MAPK4: variants seen among roughly 807,000 people sequenced by gnomAD.
MAPK4 encodes the protein Erk3-related.
In MAPK4, 22 loss-of-function variants were observed where a neutral mutation model predicts 47.7. The ratio of observed to expected loss-of-function variants is 0.46; its 90% CI spans 0.33 to 0.66. The LOEUF (loss-of-function observed/expected upper bound fraction) is 0.66, where lower values mean the gene tolerates loss of function less well. Among genes scored for constraint, MAPK4 ranks in the 30% least tolerant of loss-of-function variants. MAPK4 has a pLI of 0.02. For missense variants in MAPK4, 736 were observed against 831.7 expected (o/e 0.88, Z 1.42); for synonymous variants, 390 against 365.7 (o/e 1.07, Z -0.76).
Position 50,731,638 on chromosome 18 carries a change from G to T in MAPK4, c.*1784G>T, listed in dbSNP as rs1454852813. ...AAAAGAAATGTACACCACTCCTCAT[G>T]TGCCATTTTGTCCTCAGAGGGCGGC... On this transcript the variant is annotated 3_prime_UTR_variant, in exon 6 of 6. Transcript: ENST00000400384. 1 of 152,236 alleles carries T rather than the reference G, an allele frequency of 6.6e-6. No homozygotes were observed. The highest frequency in any genetic ancestry group is 2.4e-5 in the African/African-American group (1 of 41,444). The allele number at this position is 152,236 out of a possible 1,614,324, so 9.4% of individuals were successfully genotyped here. A position where few individuals can be genotyped will look rare whatever the true frequency, so the allele number is the denominator to read the frequency against.
At chr18:50,601,097 T>TAA (rs3080769) in intron 1 of MAPK4, among the ~76,000 whole-genome samples, 32 of 134,466 alleles carry the variant, frequency 2.4e-4, no homozygotes, top group African/African-American at 7.9e-4. Context: ...CCTATCTCTG[T>TAA]AAAAAAAAAA....
intron 1 of MAPK4, among the ~76,000 whole-genome samples, chr18:50,572,459 C>T (rs1285263900): frequency 6.6e-6 from 1 of 152,156 alleles, no homozygotes; most frequent in East Asian, 1.9e-4. Context: ...AGTTGAAGTA[C>T]TTAGTTAAAA....
chr18:50,562,203 A>G (rs1327967423), intron 1 of MAPK4, among the ~76,000 whole-genome samples: 1 of 152,228 alleles, frequency 6.6e-6, no homozygotes, highest in Non-Finnish European at 1.5e-5. Flanking sequence ...AATAGAAATT[A>G]GTGATTTGTA....
chr18:50,696,786 G>A (rs1193852779), intron 2 of MAPK4, among the ~76,000 whole-genome samples: 2 of 152,206 alleles, frequency 1.3e-5, no homozygotes. Flanking sequence ...GATGGTGATG[G>A]CAGCACACAC....
At chr18:50,631,140 C>T (rs568678869) in intron 1 of MAPK4, among the ~76,000 whole-genome samples, 1 of 152,192 alleles carries the variant, frequency 6.6e-6, no homozygotes, top group African/African-American at 2.4e-5. Context: ...GGTTTCAGCT[C>T]TCATACTGCA....
chr18:50,726,093 C>T lies in MAPK4; in HGVS notation c.985C>T (p.Arg329Cys), dbSNP rs753210882. ...EDEPTSQHPF[R>C]IEDEIDDIVL... ...CGAGCCCACCTCACAACACCCCTTC[C>T]GCATTGAGGATGAGATCGACGACAT... The change falls in exon 5 of 6, where the codon CGC becomes TGC. Residue 329 changes from arginine (R) to cysteine (C), a missense_variant. Around this residue, in one of 3 missense-constraint regions of MAPK4, gnomAD observed 32 missense variants for 57.7 expected, o/e 0.55. Transcript: ENST00000400384. 7 of 1,614,050 alleles carry T rather than the reference C, an allele frequency of 4.3e-6. No individual in the cohort carries two copies. Among genetic ancestry groups the T allele is most frequent in the East Asian group, 4.5e-5 (2 of 44,886 alleles).
chr18:50,654,208 G>A (rs1298762325), intron 1 of MAPK4, among the ~76,000 whole-genome samples: 6 of 152,208 alleles, frequency 3.9e-5, no homozygotes, highest in African/African-American at 1.4e-4. Context: ...CCCATTTATG[G>A]GTCCCAAAAT....
intron 2 of MAPK4, among the ~76,000 whole-genome samples, chr18:50,710,771 C>T (rs998316162): frequency 2.7e-5 from 4 of 146,228 alleles, no homozygotes; most frequent in Admixed American, 7.0e-5. Flanking sequence ...CAGAGTGAGA[C>T]TCCGTCTCTA....
chr18:50,688,917 C>T (rs944338188), intron 2 of MAPK4, among the ~76,000 whole-genome samples: 5 of 134,832 alleles, frequency 3.7e-5, no homozygotes, highest in East Asian at 4.5e-4. Context: ...AAAAGAAAGA[C>T]AGTGCATATC....
At chr18:50,694,858 T>C (rs769284226) in intron 2 of MAPK4, among the ~76,000 whole-genome samples, 4 of 152,218 alleles carry the variant, frequency 2.6e-5, no homozygotes, top group African/African-American at 4.8e-5. Flanking sequence ...ACTGTCACCA[T>C]TGACAGATGC....
chr18:50,625,211 G>T (rs2042766350), intron 1 of MAPK4, among the ~76,000 whole-genome samples: 1 of 152,164 alleles, frequency 6.6e-6, no homozygotes. Context: ...AAGTCAAGGA[G>T]GAACCAAAGC....
chr18:50,647,000 T>C (rs1207583688), intron 1 of MAPK4, among the ~76,000 whole-genome samples: 1 of 152,246 alleles, frequency 6.6e-6, no homozygotes, highest in Non-Finnish European at 1.5e-5. Context: ...GTCACAATTT[T>C]TTGCCATTAT....
In MAPK4 at chr18:50,573,700, G is replaced by A. The variant is rs896002670; in HGVS notation, c.-871+13457G>A. On this transcript the variant is annotated intron_variant, in intron 1 of 5. Transcript: ENST00000400384. ...TGGTACCTGATGCCAAAAGGGTTGG[G>A]GACCACTGCTCTAGACTAATTTCTC... Among the ~76,000 whole-genome samples the A allele has an allele frequency of 3.3e-5, 5 of 152,148 alleles. No individual in the cohort carries two copies. The South Asian group carries it at 8.3e-4, about 25-fold the overall frequency.
At chr18:50,608,894 G>C (rs938358891) in intron 1 of MAPK4, among the ~76,000 whole-genome samples, 1 of 151,784 alleles carries the variant, frequency 6.6e-6, no homozygotes, top group African/African-American at 2.4e-5. Flanking sequence ...TGTGTCCCTG[G>C]GTACTTGAGA....
chr18:50,653,588 T>G (rs764994698), intron 1 of MAPK4, among the ~76,000 whole-genome samples: 31 of 152,178 alleles, frequency 2.0e-4, no homozygotes, highest in Non-Finnish European at 3.4e-4. Flanking sequence ...CTCTACCTTC[T>G]AGGGTGTGAT....
intron 2 of MAPK4, among the ~76,000 whole-genome samples, chr18:50,714,186 G>T (rs1021918182): frequency 2.0e-5 from 3 of 152,144 alleles, no homozygotes; most frequent in Admixed American, 1.3e-4. Flanking sequence ...GTCTCACCTT[G>T]ACCCCCAATG....
chr18:50,655,533 C>T (rs561486717), intron 1 of MAPK4, among the ~76,000 whole-genome samples: 17 of 152,246 alleles, frequency 1.1e-4, no homozygotes, highest in South Asian at 6.2e-4. Context: ...TCACTCCACA[C>T]GAACCACTGC....
Position 50,729,961 on chromosome 18 carries a change from G to A in MAPK4, c.*107G>A, listed in dbSNP as rs1047165995. On this transcript the variant is annotated 3_prime_UTR_variant, in exon 6 of 6. Transcript: ENST00000400384. ...CGCCCCTCTCTGCTGCCTTGGGGTT[G>A]GCAGAACACGTGAAGGATCCGAGGA... The A allele has an allele frequency of 8.6e-6, 10 of 1,168,094 alleles. No homozygotes were observed. In the South Asian group the frequency reaches 1.8e-4, roughly 21 times the overall value. 72.4% of individuals were successfully genotyped at this position (1,168,094 alleles called of 1,614,324 possible).
chr18:50,656,582 C>T (rs1009083854), intron 1 of MAPK4, among the ~76,000 whole-genome samples: 11 of 152,108 alleles, frequency 7.2e-5, no homozygotes, highest in African/African-American at 2.4e-4. Flanking sequence ...AGTCCAGCAC[C>T]CACTTAAGGG....
Sources: allele counts gnomAD v4.1 joint callset (sites outside exome capture counted in the v4.1 genomes callset), GRCh38; gene constraint gnomAD v4.1.1; regional missense constraint gnomAD v4.1.1; transcripts MANE v1.5; gene names NCBI Gene and HGNC (gene_info 2026-07-23, HGNC 2026-07-21).